CDC42BPA: variants seen among roughly 807,000 people sequenced by gnomAD.
The protein encoded by CDC42BPA is serine/threonine-protein kinase MRCK alpha.
A neutral mutation model predicts 223.5 loss-of-function variants in CDC42BPA; 80 were observed. The observed-to-expected ratio is 0.36, with a 90% CI of 0.30 to 0.43. The LOEUF is 0.43. Ranked by LOEUF, CDC42BPA falls within the 20% of genes least tolerant of loss-of-function variation. CDC42BPA has a pLI of 1.00. For missense variants in CDC42BPA, 1,743 were observed against 2,099.9 expected, an observed-to-expected ratio of 0.83 and a Z score of 3.32; for synonymous variants, 694 against 718.6, an observed-to-expected ratio of 0.97 and a Z score of 0.55.
At chr1:227,284,637 C>T (rs1688528195) in intron 1 of CDC42BPA, among the ~76,000 whole-genome samples, 3 of 152,178 alleles carry the variant, frequency 2.0e-5, no homozygotes, top group Admixed American at 2.0e-4. Context: ...TTTTCTCTTG[C>T]TGGAAACCCA....
chr1:227,308,528 A>AC (rs1553445051), intron 1 of CDC42BPA, among the ~76,000 whole-genome samples: 12,928 of 146,162 alleles, frequency 0.088, 784 homozygotes, highest in Middle Eastern at 0.16. Flanking sequence ...AAAAAAAAAA[A>AC]CAGAATGGGA....
chr1:227,035,174 A>G (rs1477022615), intron 25 of CDC42BPA, among the ~76,000 whole-genome samples: 3 of 152,216 alleles, frequency 2.0e-5, no homozygotes, highest in African/African-American at 4.8e-5. Flanking sequence ...TTAATAGCTC[A>G]TAATTCATAA....
At chr1:227,121,824 G>C (rs6664330) in intron 11 of CDC42BPA, among the ~76,000 whole-genome samples, 8 of 144,152 alleles carry the variant, frequency 5.5e-5, no homozygotes, top group African/African-American at 2.1e-4. Flanking sequence ...TTTTGGAGAC[G>C]GAGTCTTGCT....
chr1:227,305,717 G>C (rs1692415867), intron 1 of CDC42BPA, among the ~76,000 whole-genome samples: 1 of 152,192 alleles, frequency 6.6e-6, no homozygotes, highest in African/African-American at 2.4e-5. Context: ...TGTAATCTCA[G>C]CACTTTGGGA....
At chr1:227,066,605 A>G (rs1264572511) in intron 21 of CDC42BPA, among the ~76,000 whole-genome samples, 1 of 152,114 alleles carries the variant, frequency 6.6e-6, no homozygotes, top group African/African-American at 2.4e-5. Flanking sequence ...TACAAACTCT[A>G]AAGAGAAACA....
At chr1:227,210,430 T>C (rs1673672626) in intron 3 of CDC42BPA, among the ~76,000 whole-genome samples, 1 of 152,160 alleles carries the variant, frequency 6.6e-6, no homozygotes, top group Non-Finnish European at 1.5e-5. Flanking sequence ...GTTTGCTTTA[T>C]ATATAAATGT....
chr1:227,277,154 T>C (rs976540808), intron 1 of CDC42BPA, among the ~76,000 whole-genome samples: 3 of 150,542 alleles, frequency 2.0e-5, no homozygotes, highest in African/African-American at 4.9e-5. Flanking sequence ...AAAACAATCA[T>C]TGTGAAAAAA....
At chr1:227,262,510 T>C (rs1684260964) in intron 1 of CDC42BPA, among the ~76,000 whole-genome samples, 1 of 152,196 alleles carries the variant, frequency 6.6e-6, no homozygotes, top group Non-Finnish European at 1.5e-5. Flanking sequence ...ATATATCATG[T>C]AAAATGTTGC....
intron 1 of CDC42BPA, among the ~76,000 whole-genome samples, chr1:227,316,163 G>A (rs1367111679): frequency 6.6e-6 from 1 of 152,104 alleles, no homozygotes; most frequent in African/African-American, 2.4e-5. Context: ...GTGACGATGC[G>A]TGCTTATTGC....
chr1:227,270,225 T>C (rs1412362268), intron 1 of CDC42BPA, among the ~76,000 whole-genome samples: 1 of 152,154 alleles, frequency 6.6e-6, no homozygotes, highest in African/African-American at 2.4e-5. Context: ...GTATGTAAAT[T>C]AATGAAAAAG....
chr1:227,112,522 T>C (rs767132806), intron 13 of CDC42BPA, 100 bp from the exon 14 acceptor site: 45 of 1,030,748 alleles, frequency 4.4e-5, no homozygotes, highest in Non-Finnish European at 6.0e-5. Context: ...GGAAGATAAT[T>C]CAAATGTTTA....
chr1:227,287,487 CCTCTTACCCTGATAATT>C (rs1689002328), intron 1 of CDC42BPA, among the ~76,000 whole-genome samples: 1 of 152,110 alleles, frequency 6.6e-6, no homozygotes, highest in Non-Finnish European at 1.5e-5. Context: ...AATTAAAATA[CCTCTTACCCTGATAATT>C]CTCTTCACAA....
At chr1:227,233,778 C>A (rs547390667) in intron 2 of CDC42BPA, among the ~76,000 whole-genome samples, 15 of 152,042 alleles carry the variant, frequency 9.9e-5, no homozygotes, top group African/African-American at 3.4e-4. Context: ...ACTAAAAATA[C>A]AAAAATTAGC....
chr1:227,066,827 ATTAG>A (rs1263519152), intron 21 of CDC42BPA, among the ~76,000 whole-genome samples: 1 of 152,206 alleles, frequency 6.6e-6, no homozygotes, highest in Non-Finnish European at 1.5e-5. Flanking sequence ...ACATTATGAG[ATTAG>A]TTATATTATT....
intron 8 of CDC42BPA, among the ~76,000 whole-genome samples, chr1:227,144,784 C>T (rs1196165285): frequency 2.0e-5 from 3 of 152,038 alleles, no homozygotes; most frequent in African/African-American, 7.2e-5. Flanking sequence ...GAATAATTGG[C>T]TTGAGGTCTG....
chr1:227,008,867 C>CT lies in CDC42BPA; in HGVS notation c.4858-3757dup, dbSNP rs71179186. Among the ~76,000 whole-genome samples, 413 of 151,164 alleles carry CT rather than the reference C, an allele frequency of 2.7e-3. 4 individuals are homozygous for CT. The highest frequency in any genetic ancestry group is 0.014 in the Middle Eastern group (4 of 294). On this transcript the variant is annotated intron_variant, in intron 34 of 36. Coordinates refer to ENST00000366766, the MANE Select transcript of CDC42BPA (RefSeq NM_001394014.1). ...CTTGGTGCGTTATTTAAAGCAAATGCTTTTTTTTTCTCTAAGAAAATAAAA... is the reference window on the plus strand; with the variant it reads ...CTTGGTGCGTTATTTAAAGCAAATGCTTTTTTTTTTCTCTAAGAAAATAAAA...
intron 17 of CDC42BPA, among the ~76,000 whole-genome samples, chr1:227,080,659 A>C (rs1206640111): frequency 6.6e-6 from 1 of 152,198 alleles, no homozygotes; most frequent in South Asian, 2.1e-4. Flanking sequence ...GATTTCAATG[A>C]AGCTGTGTTA....
At chr1:227,273,415 A>T (rs1686316584) in intron 1 of CDC42BPA, among the ~76,000 whole-genome samples, 1 of 151,812 alleles carries the variant, frequency 6.6e-6, no homozygotes, top group Non-Finnish European at 1.5e-5. Context: ...AAAAAATACA[A>T]AATTAGCCGG....
intron 20 of CDC42BPA, 95 bp from the exon 21 acceptor site, chr1:227,069,948 C>A: frequency 1.4e-6 from 1 of 734,798 alleles, no homozygotes; most frequent in Non-Finnish European, 2.3e-6. Context: ...AAGCAGTTCA[C>A]AAACTACTGT....
Sources: allele counts gnomAD v4.1 joint callset (sites outside exome capture counted in the v4.1 genomes callset), GRCh38; gene constraint gnomAD v4.1.1; transcripts MANE v1.5; gene names NCBI Gene and HGNC (gene_info 2026-07-23, HGNC 2026-07-21).